Variants in SUSD4 observed in about 807,000 individuals in gnomAD.
The protein encoded by SUSD4 is sushi domain containing 4, also known as sushi domain-containing protein 4.
In SUSD4, 41 loss-of-function variants were observed where a neutral mutation model predicts 50.5. That is an observed-to-expected ratio of 0.81 (90% CI 0.63 to 1.05). The LOEUF (loss-of-function observed/expected upper bound fraction) is 1.05, where lower values mean the gene tolerates loss of function less well. Among genes scored for constraint, SUSD4 ranks in the 50% least tolerant of loss-of-function variants. SUSD4 has a pLI of 0.00. For missense variants in SUSD4, 580 were observed against 634.7 expected (o/e 0.91, Z 0.93); for synonymous variants, 257 against 257.3 (o/e 1.00, Z 0.01).
In SUSD4 at chr1:223,328,784, A is replaced by G. The variant is rs189744379; in HGVS notation, c.148+34494T>C. ...CAGGCTCTGCTTCCTTGGCTGGTAG[A>G]CCAGCTGGCACCTCAGAATCCATCA... On this transcript the variant is annotated intron_variant, in intron 2 of 8. Coordinates refer to ENST00000366878, the MANE Select transcript of SUSD4 (RefSeq NM_017982.4). 1.8e-3 allele frequency among the ~76,000 whole-genome samples: 273 copies of G among 152,258 alleles called. 4 individuals carry two copies. The highest frequency in any genetic ancestry group is 5.8e-3 in the African/African-American group (240 of 41,548).
At position 223,246,911 on chromosome 1, in the gene SUSD4, T is replaced by C. The variant is rs966348347; in HGVS notation, c.725-17523A>G. ...TATCCATACAAATAACTCCAGGGCATGGGGCAGGGGAAGCAGAAGAATGTA... is the reference window on the plus strand; with the variant it reads ...TATCCATACAAATAACTCCAGGGCACGGGGCAGGGGAAGCAGAAGAATGTA... On this transcript the variant is annotated intron_variant, in intron 5 of 8. Transcript: ENST00000366878. Among the ~76,000 whole-genome samples, 5 of 152,172 alleles carry C rather than the reference T, an allele frequency of 3.3e-5. No homozygotes were observed. In the East Asian group the frequency reaches 9.6e-4, roughly 29 times the overall value.
At chr1:223,268,010 T>TC (rs1558196904) in intron 4 of SUSD4, among the ~76,000 whole-genome samples, 1 of 42,452 alleles carries the variant, frequency 2.4e-5, no homozygotes, top group Non-Finnish European at 5.0e-5. Context: ...CTTCATGCAT[T>TC]TTTTATATAT....
chr1:223,228,154 T>C (rs1006164363), intron 6 of SUSD4, among the ~76,000 whole-genome samples: 2 of 152,016 alleles, frequency 1.3e-5, no homozygotes, highest in Non-Finnish European at 2.9e-5. Context: ...TGGGGTTGGG[T>C]AAAGCAAGAA....
intron 3 of SUSD4, among the ~76,000 whole-genome samples, chr1:223,271,265 G>A (rs978205448): frequency 2.0e-5 from 3 of 152,208 alleles, no homozygotes; most frequent in African/African-American, 4.8e-5. Flanking sequence ...TTATGGACAC[G>A]TGGACATTGG....
intron 3 of SUSD4, among the ~76,000 whole-genome samples, chr1:223,280,182 T>G (rs544632747): frequency 7.2e-5 from 11 of 152,278 alleles, no homozygotes; most frequent in African/African-American, 2.6e-4. Context: ...CATCAACTAA[T>G]GAGCAAAATA....
chr1:223,265,583 C>T (rs1571921414), intron 4 of SUSD4, among the ~76,000 whole-genome samples: 1 of 152,342 alleles, frequency 6.6e-6, no homozygotes, highest in Non-Finnish European at 1.5e-5. Flanking sequence ...CTCAGAACCA[C>T]TGATGTCCTG....
chr1:223,230,034 A>G (rs1225734631), intron 5 of SUSD4, among the ~76,000 whole-genome samples: 1 of 152,142 alleles, frequency 6.6e-6, no homozygotes, highest in East Asian at 1.9e-4. Flanking sequence ...AACCTCTTTG[A>G]GCCTTGATTT....
chr1:223,275,966 G>A (rs1005276029), intron 3 of SUSD4, among the ~76,000 whole-genome samples: 2 of 152,204 alleles, frequency 1.3e-5, no homozygotes, highest in Non-Finnish European at 2.9e-5. Context: ...GACCCAGCAT[G>A]GGGTGCCAAG....
chr1:223,250,740 G>C (rs1000642459), intron 5 of SUSD4, among the ~76,000 whole-genome samples: 20 of 152,182 alleles, frequency 1.3e-4, no homozygotes, highest in African/African-American at 4.8e-4. Flanking sequence ...AAAGAGAGCT[G>C]GAGGAACCCT....
intron 5 of SUSD4, among the ~76,000 whole-genome samples, chr1:223,244,919 G>A (rs1660819081): frequency 6.6e-6 from 1 of 152,082 alleles, no homozygotes; most frequent in South Asian, 2.1e-4. Context: ...AACAGCACTG[G>A]GTGTGTGTGC....
At chr1:223,304,828 A>G (rs1250627838) in intron 2 of SUSD4, among the ~76,000 whole-genome samples, 5 of 47,036 alleles carry the variant, frequency 1.1e-4, no homozygotes, top group Non-Finnish European at 2.7e-4. Flanking sequence ...ATATATATAT[A>G]TATATATATA....
chr1:223,363,635 C>G, intron 1 of SUSD4, 175 bp from the exon 2 acceptor site: 1 of 707,294 alleles, frequency 1.4e-6, no homozygotes, highest in South Asian at 2.5e-5. Context: ...TCCCCCGAGC[C>G]GGGTGCACTG....
chr1:223,239,153 T>C (rs1410954000), intron 5 of SUSD4, among the ~76,000 whole-genome samples: 1 of 152,100 alleles, frequency 6.6e-6, no homozygotes, highest in African/African-American at 2.4e-5. Context: ...CAGTTGTTAC[T>C]CTTCCTTTCT....
rs776611811 is a variant in SUSD4, at chr1:223,268,572, G to A, written c.465C>T (p.Tyr155=). The change falls in exon 4 of 9, where the codon TAC becomes TAT. Residue 155 remains tyrosine (Y), a synonymous_variant. Transcript: ENST00000366878. The part of the protein sequence containing the change: ...ITCHEGFKIR[Y]PDLHNMVSLC... Reference sequence around the variant, plus strand: ...ATGAAACCATATTGTGTAGGTCGGGGTACCGGATCTTGAATCCTTCATGAC... The same window carrying A: ...ATGAAACCATATTGTGTAGGTCGGGATACCGGATCTTGAATCCTTCATGAC... 1 of 1,614,162 alleles carries A rather than the reference G, an allele frequency of 6.2e-7. No homozygotes were observed. The highest frequency in any genetic ancestry group is 8.5e-7 in the Non-Finnish European group (1 of 1,180,012).
At chr1:223,320,127 A>G (rs1277874407) in intron 2 of SUSD4, among the ~76,000 whole-genome samples, 1 of 152,138 alleles carries the variant, frequency 6.6e-6, no homozygotes, top group African/African-American at 2.4e-5. Flanking sequence ...CTCATCCAGG[A>G]GAGATTTCTT....
intron 7 of SUSD4, among the ~76,000 whole-genome samples, chr1:223,226,414 C>T (rs541870045): frequency 6.6e-6 from 1 of 152,290 alleles, no homozygotes; most frequent in South Asian, 2.1e-4. Flanking sequence ...AAGAGGGATG[C>T]ACCTATCAGG....
At chr1:223,235,074 CAG>C in intron 5 of SUSD4, 1 of 1,603,380 alleles carries the variant, frequency 6.2e-7, no homozygotes, top group East Asian at 2.3e-5. Context: ...AAATAAAGGA[CAG>C]GGAAAAGATG....
At chr1:223,245,928 C>T (rs548721043) in intron 5 of SUSD4, among the ~76,000 whole-genome samples, 9 of 152,238 alleles carry the variant, frequency 5.9e-5, no homozygotes, top group African/African-American at 1.2e-4. Context: ...TTATTTGTTT[C>T]ATGGCAAGGG....
intron 3 of SUSD4, among the ~76,000 whole-genome samples, chr1:223,282,598 A>T (rs879877458): frequency 1.3e-5 from 2 of 152,254 alleles, no homozygotes; most frequent in Non-Finnish European, 2.9e-5. Flanking sequence ...GAGGATATGA[A>T]CAAGTGGAAG....
Sources: allele counts gnomAD v4.1 joint callset (sites outside exome capture counted in the v4.1 genomes callset), GRCh38; gene constraint gnomAD v4.1.1; transcripts MANE v1.5; gene names NCBI Gene and HGNC (gene_info 2026-07-23, HGNC 2026-07-21).